MTHFD1L: variants seen among roughly 807,000 people sequenced by gnomAD.
MTHFD1L encodes monofunctional C1-tetrahydrofolate synthase, mitochondrial.
A neutral mutation model predicts 119.5 loss-of-function variants in MTHFD1L; 81 were observed. The ratio of observed to expected loss-of-function variants is 0.68; its 90% CI spans 0.57 to 0.82. The LOEUF is 0.82. Among genes scored for constraint, MTHFD1L ranks in the 40% least tolerant of loss-of-function variants. The pLI, the probability that MTHFD1L is intolerant of heterozygous loss-of-function variation, is 0.00. For synonymous variants in MTHFD1L, 430 were observed against 475.2 expected, an observed-to-expected ratio of 0.90 and a Z score of 1.24; for missense variants, 1,125 against 1,253.4, an observed-to-expected ratio of 0.90 and a Z score of 1.55.
chr6:151,059,596 T>C (rs1459595265), intron 26 of MTHFD1L, among the ~76,000 whole-genome samples: 1 of 152,242 alleles, frequency 6.6e-6, no homozygotes, highest in African/African-American at 2.4e-5. Context: ...CCCACAGTAT[T>C]GAGGCTCTGC....
intron 26 of MTHFD1L, among the ~76,000 whole-genome samples, chr6:151,047,924 C>T (rs1382795116): frequency 6.6e-6 from 1 of 152,110 alleles, no homozygotes; most frequent in Non-Finnish European, 1.5e-5. Context: ...CCTCAGGAAA[C>T]TTACAATCAT....
intron 10 of MTHFD1L, among the ~76,000 whole-genome samples, chr6:150,923,077 G>T (rs182693566): frequency 2.0e-5 from 3 of 152,164 alleles, no homozygotes; most frequent in East Asian, 3.9e-4. Flanking sequence ...TGGTGTTAAG[G>T]GCCATATAGG....
At chr6:150,930,787 A>G (rs929692147) in intron 11 of MTHFD1L, among the ~76,000 whole-genome samples, 4 of 152,096 alleles carry the variant, frequency 2.6e-5, no homozygotes, top group Admixed American at 2.0e-4. Flanking sequence ...ATATAAAACA[A>G]TGAGATTTTT....
At chr6:151,074,072 G>C (rs1379111723) in intron 26 of MTHFD1L, among the ~76,000 whole-genome samples, 1 of 152,146 alleles carries the variant, frequency 6.6e-6, no homozygotes, top group Admixed American at 6.5e-5. Context: ...ACTAGAAGGT[G>C]GTAGGTCAAT....
chr6:150,975,915 A>G (rs1776490709), intron 20 of MTHFD1L, among the ~76,000 whole-genome samples: 2 of 152,168 alleles, frequency 1.3e-5, no homozygotes, highest in Admixed American at 6.5e-5. Context: ...AGCCTTGCCA[A>G]CTGGTCTTCT....
Position 150,956,198 on chromosome 6 carries a change from T to G in MTHFD1L, c.1803+127T>G, listed in dbSNP as rs1795621607. The G allele has an allele frequency of 5.6e-6, 5 of 895,822 alleles. No homozygotes were observed. In the South Asian group the frequency reaches 7.5e-5, roughly 13 times the overall value. The allele number at this position is 895,822 out of a possible 1,614,324, so 55.5% of individuals were successfully genotyped here. A position where few individuals can be genotyped will look rare whatever the true frequency, so the allele number is the denominator to read the frequency against. ...GTGGCCAGTGGTTCTCTCACTGTTT[T>G]GGGTGCTCAGCAGGGCTGGGAGAGG... is the stretch of plus-strand genomic sequence containing the variant. On this transcript the variant is annotated intron_variant, in intron 17 of 27. Transcript: ENST00000367321.
intron 26 of MTHFD1L, among the ~76,000 whole-genome samples, chr6:151,066,165 G>A (rs1158654987): frequency 3.3e-5 from 5 of 152,180 alleles, no homozygotes; most frequent in African/African-American, 7.2e-5. Context: ...GGCTGGGCGC[G>A]GTGGCTTACG....
intron 26 of MTHFD1L, among the ~76,000 whole-genome samples, chr6:151,071,437 C>T (rs1791936413): frequency 6.6e-6 from 1 of 152,120 alleles, no homozygotes; most frequent in Non-Finnish European, 1.5e-5. Flanking sequence ...TCTACTTCAA[C>T]ATGCAAGAGA....
chr6:151,019,225 T>C (rs68164530), intron 24 of MTHFD1L, among the ~76,000 whole-genome samples: 27 of 91,870 alleles, frequency 2.9e-4, no homozygotes, highest in East Asian at 7.8e-4. Context: ...CCTCTGATCA[T>C]GCCATCTGAT....
chr6:150,978,939 C>T (rs1777033570), intron 20 of MTHFD1L, among the ~76,000 whole-genome samples: 1 of 152,104 alleles, frequency 6.6e-6, no homozygotes, highest in Admixed American at 6.6e-5. Flanking sequence ...GCCACCCTCT[C>T]CCATTAAAAA....
chr6:150,893,454 A>G (rs78463011), intron 7 of MTHFD1L, among the ~76,000 whole-genome samples: 1,888 of 151,306 alleles, frequency 0.012, 37 homozygotes, highest in African/African-American at 0.043. Context: ...CTTATTGGCA[A>G]TGGTAAAAGA....
intron 11 of MTHFD1L, among the ~76,000 whole-genome samples, chr6:150,933,109 T>G (rs1791445177): frequency 6.6e-6 from 1 of 152,152 alleles, no homozygotes; most frequent in Admixed American, 6.5e-5. Flanking sequence ...TTTCCCGAAC[T>G]GTATTAGTTG....
chr6:151,096,477 A>G lies in MTHFD1L; in HGVS notation c.*31+3890A>G, dbSNP rs544990682. Among the ~76,000 whole-genome samples, 6 of 152,356 alleles carry G rather than the reference A, an allele frequency of 3.9e-5. 1 individual carries two copies. The highest frequency in any genetic ancestry group is 1.4e-4 in the African/African-American group (6 of 41,578). On this transcript the variant is annotated intron_variant, in intron 27 of 27. Coordinates refer to ENST00000367321, the MANE Select transcript of MTHFD1L (RefSeq NM_015440.5). ...CATTCCCTCTCAGTGGCTCCTCGGTAATGACCCAGCAAGTATTGTCTGTTT... is the reference window on the plus strand; with the variant it reads ...CATTCCCTCTCAGTGGCTCCTCGGTGATGACCCAGCAAGTATTGTCTGTTT...
At chr6:150,991,603 A>G (rs1413910514) in intron 20 of MTHFD1L, among the ~76,000 whole-genome samples, 1 of 152,172 alleles carries the variant, frequency 6.6e-6, no homozygotes, top group Non-Finnish European at 1.5e-5. Context: ...AAATCAAGTA[A>G]TTTGACATGT....
chr6:150,971,921 T>A (rs768689191), intron 19 of MTHFD1L, 26 bp from the exon 20 acceptor site: 1 of 1,600,358 alleles, frequency 6.2e-7, no homozygotes, highest in Non-Finnish European at 8.5e-7. Flanking sequence ...CTTTTGGGAT[T>A]TTGATTTGCT....
chr6:150,929,508 A>G (rs553201085), intron 11 of MTHFD1L, among the ~76,000 whole-genome samples: 1 of 152,356 alleles, frequency 6.6e-6, no homozygotes, highest in East Asian at 1.9e-4. Flanking sequence ...AGCTTGGAAC[A>G]CAAAACTGAT....
chr6:151,065,520 T>G (rs1258044561), intron 26 of MTHFD1L, among the ~76,000 whole-genome samples: 1 of 152,382 alleles, frequency 6.6e-6, no homozygotes, highest in East Asian at 1.9e-4. Context: ...TAGCCACAGC[T>G]GGATCCAGCC....
chr6:150,905,793 G>T (rs1785806572), intron 8 of MTHFD1L, 32 bp downstream of exon 8: 1 of 1,449,248 alleles, frequency 6.9e-7, no homozygotes, highest in African/African-American at 1.4e-5. Flanking sequence ...TTGAGCCACT[G>T]ATTAGGTCAG....
intron 8 of MTHFD1L, among the ~76,000 whole-genome samples, chr6:150,917,882 AGCT>A (rs1788246810): frequency 6.6e-6 from 1 of 152,086 alleles, no homozygotes; most frequent in African/African-American, 2.4e-5. Flanking sequence ...AATTCTCTTG[AGCT>A]ATTATTTCTA....
Sources: allele counts gnomAD v4.1 joint callset (sites outside exome capture counted in the v4.1 genomes callset), GRCh38; gene constraint gnomAD v4.1.1; transcripts MANE v1.5; gene names NCBI Gene and HGNC (gene_info 2026-07-23, HGNC 2026-07-21).